The following SPIRE1 variants were observed in gnomAD, a reference collection of about 807,000 sequenced individuals.
SPIRE1 encodes protein spire homolog 1.
A neutral mutation model predicts 94.1 loss-of-function variants in SPIRE1; 40 were observed. The ratio of observed to expected loss-of-function variants is 0.43; its 90% confidence interval spans 0.33 to 0.55. The LOEUF is 0.55. Ranked by LOEUF, SPIRE1 falls within the 20% of genes least tolerant of loss-of-function variation. The probability of loss-of-function intolerance (pLI) is 0.06; values close to 1 mark genes in which losing one functional copy is unlikely to be tolerated. For synonymous variants in SPIRE1, 376 were observed against 371.7 expected (o/e 1.01, Z -0.13); for missense variants, 838 against 975.2 (o/e 0.86, Z 1.87).
chr18:12,508,935 A>G (rs2033932945), intron 5 of SPIRE1, among the ~76,000 whole-genome samples: 2 of 152,206 alleles, frequency 1.3e-5, no homozygotes, highest in Non-Finnish European at 2.9e-5. Context: ...TTGGCCTCCC[A>G]AAGTGCTGAG....
chr18:12,657,933 G>A lies in SPIRE1; in HGVS notation c.-67C>T, dbSNP rs1476410198. ...GGCGTCTCCTCAGCTCCGGAGCATCGTCGTCGCGCGCCGCCGCCTCACCAT... is the reference window on the plus strand; with the variant it reads ...GGCGTCTCCTCAGCTCCGGAGCATCATCGTCGCGCGCCGCCGCCTCACCAT... On this transcript the variant is annotated 5_prime_UTR_variant, in exon 1 of 17. It adds an upstream start codon to the 5' untranslated region. Coordinates refer to ENST00000409402, the MANE Select transcript of SPIRE1 (RefSeq NM_001128626.2). The A allele has an allele frequency of 6.9e-6, 7 of 1,014,686 alleles. No homozygotes were observed. The highest frequency in any genetic ancestry group is 8.2e-6 in the Non-Finnish European group (7 of 851,336). 62.9% of individuals were successfully genotyped at this position (1,014,686 alleles called of 1,614,324 possible).
At chr18:12,637,856 AAG>A (rs1166944915) in intron 1 of SPIRE1, among the ~76,000 whole-genome samples, 2 of 152,252 alleles carry the variant, frequency 1.3e-5, no homozygotes, top group Non-Finnish European at 2.9e-5. Context: ...AAAAGGGCAT[AAG>A]AGTCTATAAA....
At chr18:12,499,160 T>C (rs895117939) in intron 6 of SPIRE1, among the ~76,000 whole-genome samples, 5 of 152,218 alleles carry the variant, frequency 3.3e-5, no homozygotes, top group African/African-American at 4.8e-5. Context: ...GTGACTGATA[T>C]TGGTCCCCTA....
At chr18:12,539,062 C>T (rs1336047528) in intron 3 of SPIRE1, among the ~76,000 whole-genome samples, 1 of 152,188 alleles carries the variant, frequency 6.6e-6, no homozygotes, top group Non-Finnish European at 1.5e-5. Flanking sequence ...GGATTATGTT[C>T]ATCCCCTGCT....
At chr18:12,606,246 T>C (rs2036972063) in intron 2 of SPIRE1, among the ~76,000 whole-genome samples, 1 of 152,110 alleles carries the variant, frequency 6.6e-6, no homozygotes, top group Non-Finnish European at 1.5e-5. Flanking sequence ...GTACAGTCTA[T>C]GCAAGCAGAG....
rs869122444 is a variant in SPIRE1 at position 12,549,439 on chromosome 18, G to GTTTTTTTTTTTTTTTTTTTTT, written c.373-2556_373-2536dup. Among the ~76,000 whole-genome samples the GTTTTTTTTTTTTTTTTTTTTT allele has an allele frequency of 3.6e-4, 15 of 41,258 alleles. 2 individuals are homozygous for GTTTTTTTTTTTTTTTTTTTTT. Among genetic ancestry groups the GTTTTTTTTTTTTTTTTTTTTT allele is most frequent in the South Asian group, 1.7e-3 (1 of 592 alleles). The allele number at this position is 41,258 out of a possible 152,430, so 27.1% of individuals were successfully genotyped here. On this transcript the variant is annotated intron_variant, in intron 2 of 16. Transcript: ENST00000409402. ...CTTTTTGTTTGTTTTTGTTATTGTT[G>GTTTTTTTTTTTTTTTTTTTTT]TTTTTTTTTTTTTTTTTTTTTTTTT...
At chr18:12,612,490 T>C (rs891013336) in intron 2 of SPIRE1, among the ~76,000 whole-genome samples, 6 of 152,320 alleles carry the variant, frequency 3.9e-5, no homozygotes, top group Admixed American at 3.3e-4. Flanking sequence ...CATATTTATA[T>C]AGTCTTACAT....
intron 2 of SPIRE1, among the ~76,000 whole-genome samples, chr18:12,609,729 T>C (rs1035372986): frequency 3.9e-5 from 6 of 152,156 alleles, no homozygotes. Context: ...TTTTATCTTG[T>C]GTCCTCACTG....
intron 3 of SPIRE1, among the ~76,000 whole-genome samples, chr18:12,536,085 C>A (rs183888826): frequency 6.6e-6 from 1 of 152,064 alleles, no homozygotes; most frequent in East Asian, 1.9e-4. Flanking sequence ...CATAATTATA[C>A]GGGAAAAGTG....
intron 2 of SPIRE1, among the ~76,000 whole-genome samples, chr18:12,570,912 C>T (rs1032814473): frequency 3.3e-5 from 5 of 152,124 alleles, no homozygotes; most frequent in Admixed American, 2.0e-4. Flanking sequence ...ATTATCAACC[C>T]TTTGGGTTTA....
At chr18:12,493,814 G>A (rs1315494225) in intron 7 of SPIRE1, among the ~76,000 whole-genome samples, 1 of 152,216 alleles carries the variant, frequency 6.6e-6, no homozygotes, top group Non-Finnish European at 1.5e-5. Flanking sequence ...ATTTTAAGCA[G>A]TTATAATTAT....
chr18:12,646,047 C>G (rs896260224), intron 1 of SPIRE1, among the ~76,000 whole-genome samples: 3 of 152,168 alleles, frequency 2.0e-5, no homozygotes, highest in Admixed American at 6.6e-5. Context: ...GCAAAAAATG[C>G]GGTAACTGAT....
intron 2 of SPIRE1, among the ~76,000 whole-genome samples, chr18:12,579,004 G>T (rs1431736764): frequency 6.6e-6 from 1 of 151,956 alleles, no homozygotes; most frequent in Non-Finnish European, 1.5e-5. Context: ...AACTTGACCG[G>T]CTTGCTTTGC....
At chr18:12,474,651 A>G (rs1389523321) in intron 10 of SPIRE1, among the ~76,000 whole-genome samples, 1 of 152,076 alleles carries the variant, frequency 6.6e-6, no homozygotes, top group Non-Finnish European at 1.5e-5. Flanking sequence ...GTGAAACCCT[A>G]TCTCTACTAA....
intron 1 of SPIRE1, among the ~76,000 whole-genome samples, chr18:12,645,109 A>AG (rs1435347162): frequency 6.6e-6 from 1 of 151,584 alleles, no homozygotes; most frequent in Middle Eastern, 3.2e-3. Context: ...ATAAAAGAAA[A>AG]AAAAAAATAA....
intron 2 of SPIRE1, 111 bp downstream of exon 2, chr18:12,634,951 G>T: frequency 3.8e-5 from 20 of 523,724 alleles, no homozygotes; most frequent in Non-Finnish European, 5.3e-5. Context: ...AAAAAAAAAA[G>T]AAATCTTATC....
chr18:12,559,615 G>A lies in SPIRE1; in HGVS notation c.373-12711C>T, dbSNP rs937132756. 6.6e-6 allele frequency among the ~76,000 whole-genome samples: 1 copy of A among 152,166 alleles called. No homozygotes were observed. The highest frequency in any genetic ancestry group is 6.5e-5 in the Admixed American group (1 of 15,284). On this transcript the variant is annotated intron_variant, in intron 2 of 16. Transcript: ENST00000409402. This position sits in a 1 kb window ranked among gnomAD's most constrained non-coding sequence, Gnocchi z 4.7. ...GCCTGAGGAGGTGCCAAGAGCGAGC[G>A]AGGGCTGCTAGCACGTTGTCACCTC...
intron 1 of SPIRE1, among the ~76,000 whole-genome samples, chr18:12,641,581 ATGG>A (rs1390562138): frequency 6.6e-6 from 1 of 151,682 alleles, no homozygotes; most frequent in Non-Finnish European, 1.5e-5. Flanking sequence ...GTTGGCCAGG[ATGG>A]TCTTGATCTC....
At chr18:12,554,266 C>T (rs1352993441) in intron 2 of SPIRE1, among the ~76,000 whole-genome samples, 1 of 148,490 alleles carries the variant, frequency 6.7e-6, no homozygotes, top group Non-Finnish European at 1.5e-5. Context: ...CCACTGCACT[C>T]CAGCCTGGGC....
Sources: gnomAD v4.1 joint callset for allele counts (sites outside exome capture counted in the v4.1 genomes callset) on GRCh38, gnomAD v4.1.1 for gene constraint, Gnocchi (gnomAD v3.1) non-coding constraint, MANE v1.5 for transcripts, NCBI Gene and HGNC (gene_info 2026-07-23, HGNC 2026-07-21) for gene names.